WDR75: variants seen among roughly 807,000 people sequenced by gnomAD.
WDR75 encodes WD repeat domain 75.
A neutral mutation model predicts 106.1 loss-of-function variants in WDR75; 52 were observed. The ratio of observed to expected loss-of-function variants is 0.49; its 90% CI spans 0.39 to 0.62. The LOEUF is 0.62. Ranked by LOEUF, WDR75 falls within the 20% of genes least tolerant of loss-of-function variation. The probability of loss-of-function intolerance (pLI) is 0.00; values close to 1 mark genes in which losing one functional copy is unlikely to be tolerated. For synonymous variants in WDR75, 333 were observed against 335.5 expected (o/e 0.99, Z 0.08); for missense variants, 905 against 970.3 (o/e 0.93, Z 0.89).
Position 189,459,394 on chromosome 2 carries a change from A to G in WDR75, c.748A>G (p.Met250Val). Residue 250 changes from methionine (M) to valine (V), a missense_variant, in exon 8 of 21, where the codon ATG (methionine) becomes GTG (valine). Coordinates refer to ENST00000314761, the MANE Select transcript of WDR75 (RefSeq NM_032168.3). The stretch of plus-strand genomic sequence containing the variant: ...CACATGTTTACATTGGCACCATGAT[A>G]TGGTTATGGATTTGGCTTTTTCAGT... ...TYTCLHWHHD[M>V]VMDLAFSVTG... The G allele has an allele frequency of 6.2e-7, 1 of 1,612,582 alleles. No homozygotes were observed. The highest frequency in any genetic ancestry group is 1.1e-5 in the South Asian group (1 of 90,660).
chr2:189,457,246 A>C (rs1686758005), intron 5 of WDR75, 65 bp from the exon 6 acceptor site: 1 of 1,205,594 alleles, frequency 8.3e-7, no homozygotes, highest in African/African-American at 1.6e-5. Flanking sequence ...TGTCTCAAAA[A>C]AAAAAGAAAA....
intron 1 of WDR75, among the ~76,000 whole-genome samples, chr2:189,446,174 A>AG (rs1258458703): frequency 6.6e-6 from 1 of 152,232 alleles, no homozygotes; most frequent in Admixed American, 6.5e-5. Context: ...AAGTAGTTCA[A>AG]GTTAGACTGG....
Position 189,458,403 on chromosome 2 carries a change from T to C in WDR75, c.570-350T>C, listed in dbSNP as rs545583426. ...AGATCTAATGTCTCAGGTTTGATTATGCCTCATGCTAAGATGTAGGTTCAA... is the reference window on the plus strand; with the variant it reads ...AGATCTAATGTCTCAGGTTTGATTACGCCTCATGCTAAGATGTAGGTTCAA... On this transcript the variant is annotated intron_variant, in intron 6 of 20. Transcript: ENST00000314761. 1.3e-4 allele frequency among the ~76,000 whole-genome samples: 20 copies of C among 152,310 alleles called. No homozygotes were observed. In the South Asian group the frequency reaches 3.1e-3, roughly 24 times the overall value.
intron 8 of WDR75, among the ~76,000 whole-genome samples, chr2:189,460,040 A>AAAAATACCTTTAAAGTAAAGT (rs1686829253): frequency 1.3e-5 from 2 of 152,248 alleles, no homozygotes; most frequent in Non-Finnish European, 2.9e-5. Context: ...TATAGCGAGT[A>AAAAATACCTTTAAAGTAAAGT]AAAATACCTT....
intron 12 of WDR75, among the ~76,000 whole-genome samples, 181 bp from the exon 13 acceptor site, chr2:189,466,244 A>G (rs150466471): frequency 3.5e-4 from 54 of 152,272 alleles, no homozygotes; most frequent in African/African-American, 1.3e-3. Flanking sequence ...AAGGTGATAT[A>G]TTAGAACTCT....
At chr2:189,467,762 C>A in intron 14 of WDR75, 114 bp downstream of exon 14, 3 of 987,978 alleles carry the variant, frequency 3.0e-6, no homozygotes, top group Non-Finnish European at 4.2e-6. Context: ...GTCAGTGGGG[C>A]AAGCAGCTAA....
intron 8 of WDR75, among the ~76,000 whole-genome samples, chr2:189,462,205 A>C (rs1465035336): frequency 6.6e-6 from 1 of 151,984 alleles, no homozygotes; most frequent in Non-Finnish European, 1.5e-5. Context: ...TTATCAGTGA[A>C]GCTATCTTGG....
intron 12 of WDR75, among the ~76,000 whole-genome samples, chr2:189,465,820 C>G (rs1686987509): frequency 6.6e-6 from 1 of 152,076 alleles, no homozygotes; most frequent in African/African-American, 2.4e-5. Flanking sequence ...AGTGGTTGTC[C>G]CTAGTCACTG....
intron 14 of WDR75, among the ~76,000 whole-genome samples, chr2:189,467,920 G>A (rs1687035841): frequency 6.6e-6 from 1 of 152,138 alleles, no homozygotes; most frequent in Non-Finnish European, 1.5e-5. Context: ...CTATACATAA[G>A]CCTCAGGGGA....
chr2:189,473,771 C>G (rs1687160683), intron 18 of WDR75, among the ~76,000 whole-genome samples: 1 of 152,152 alleles, frequency 6.6e-6, no homozygotes, highest in Non-Finnish European at 1.5e-5. Context: ...CTTGGCTTTC[C>G]CTACAGCCAG....
chr2:189,457,566 CA>C (rs1220138343), intron 6 of WDR75, among the ~76,000 whole-genome samples, 185 bp downstream of exon 6: 1 of 151,994 alleles, frequency 6.6e-6, no homozygotes, highest in Non-Finnish European at 1.5e-5. Flanking sequence ...TATTAGTCAC[CA>C]AAACCTAGGA....
chr2:189,475,390 A>G lies in WDR75; in HGVS notation c.2466A>G (p.Ile822Met), dbSNP rs1207968518. The G allele has an allele frequency of 6.2e-7, 1 of 1,611,226 alleles. No homozygotes were observed. Among genetic ancestry groups the G allele is most frequent in the Non-Finnish European group, 8.5e-7 (1 of 1,178,858 alleles). ...AAGAACTGAGAAAATTTAGGAAAAT[A>G]GACTACAGCTGGATAGCTGCCCTTT... is the stretch of plus-strand genomic sequence containing the variant. The part of the protein sequence containing the change: ...EEKELRKFRK[I>M]DYSWIAAL The change falls in exon 21 of 21, where the codon ATA (isoleucine) becomes ATG (methionine). Residue 822 changes from isoleucine to methionine, a missense_variant. Physicochemically the swap from Ile to Met is conservative, Grantham distance 10. Transcript: ENST00000314761.
intron 8 of WDR75, among the ~76,000 whole-genome samples, chr2:189,462,265 T>A (rs1686905322): frequency 6.6e-6 from 1 of 152,076 alleles, no homozygotes; most frequent in South Asian, 2.1e-4. Flanking sequence ...ACAGAGGAGT[T>A]GGTCAGCAAC....
At chr2:189,473,304 A>G (rs1574206390) in intron 18 of WDR75, among the ~76,000 whole-genome samples, 2 of 152,194 alleles carry the variant, frequency 1.3e-5, no homozygotes, top group Non-Finnish European at 2.9e-5. Context: ...TCATCTTCAC[A>G]TAGAGTAGGC....
intron 20 of WDR75, 51 bp from the exon 21 acceptor site, chr2:189,475,162 C>T (rs1367255700): frequency 7.4e-7 from 1 of 1,359,848 alleles, no homozygotes; most frequent in East Asian, 2.4e-5. Context: ...TAGAAAGTTA[C>T]TGTTTAGAAA....
chr2:189,442,410 A>G (rs1463110329), intron 1 of WDR75, among the ~76,000 whole-genome samples: 1 of 85,966 alleles, frequency 1.2e-5, no homozygotes, highest in Admixed American at 1.1e-4. Context: ...TAGAGATAGT[A>G]TTTTATGAAA....
chr2:189,464,011 C>T lies in WDR75; in HGVS notation c.1113+50C>T, dbSNP rs200974674. On this transcript the variant is annotated intron_variant, in intron 11 of 20. Transcript: ENST00000314761. ...AAATTAATGAAAGCTCTTTACAGTA[C>T]CACTGGAGTCAAGCAATTTGTTTAG... is the stretch of plus-strand genomic sequence containing the variant. The T allele has an allele frequency of 3.1e-4, 454 of 1,478,998 alleles. 1 individual carries two copies. Among genetic ancestry groups the T allele is most frequent in the Non-Finnish European group, 4.1e-4 (438 of 1,068,250 alleles). 91.6% of individuals were successfully genotyped at this position (1,478,998 alleles called of 1,614,324 possible).
Position 189,465,118 on chromosome 2 carries a change from C to G in WDR75, c.1153C>G (p.Leu385Val). ...GCAAGAATATATTAATGATTATGGT[C>G]TGATCCAAATTGAACTAACAAAGGC... Reference protein sequence around the residue: ...IQQEYINDYGLIQIELTKAAF... With the variant: ...IQQEYINDYGVIQIELTKAAF... The change falls in exon 12 of 21, where the codon CTG becomes GTG. Residue 385 changes from leucine to valine, a missense_variant. Coordinates refer to ENST00000314761, the MANE Select transcript of WDR75 (RefSeq NM_032168.3). 13 of 1,611,578 alleles carry G rather than the reference C, an allele frequency of 8.1e-6. No homozygotes were observed. Among genetic ancestry groups the G allele is most frequent in the Non-Finnish European group, 1.0e-5 (12 of 1,178,580 alleles).
chr2:189,455,682 T>C (rs556546263), intron 5 of WDR75: 1 of 311,230 alleles, frequency 3.2e-6, no homozygotes, highest in South Asian at 1.3e-4. Context: ...AGACTATGTG[T>C]CTTTAGAAAT....
Sources: gnomAD v4.1 joint callset for allele counts (sites outside exome capture counted in the v4.1 genomes callset) on GRCh38, gnomAD v4.1.1 for gene constraint, MANE v1.5 for transcripts, NCBI Gene and HGNC (gene_info 2026-07-23, HGNC 2026-07-21) for gene names.